Variants in NEK11 observed in about 807,000 individuals in gnomAD.
NEK11 encodes the protein serine/threonine-protein kinase Nek11.
NEK11 carries 72 observed loss-of-function variants against 80.7 expected under a neutral mutation model. The ratio of observed to expected loss-of-function variants is 0.89; its 90% CI spans 0.74 to 1.08. The LOEUF (loss-of-function observed/expected upper bound fraction) is 1.08. Among genes scored for constraint, NEK11 ranks in the 50% least tolerant of loss-of-function variants. NEK11 has a pLI of 0.00. For missense variants in NEK11, 764 were observed against 763.6 expected (o/e 1.00, Z -0.01); for synonymous variants, 251 against 260.7 (o/e 0.96, Z 0.36).
At chr3:131,076,238 G>A (rs1476845731) in intron 3 of NEK11, among the ~76,000 whole-genome samples, 1 of 152,192 alleles carries the variant, frequency 6.6e-6, no homozygotes, top group Non-Finnish European at 1.5e-5. Flanking sequence ...ACAAGTGTCT[G>A]CTACAATAAT....
In NEK11 at chr3:131,170,786, C is replaced by T. The variant is rs1307585591; in HGVS notation, c.1298C>T (p.Pro433Leu). Residue 433 changes from proline to leucine, a missense_variant, in exon 14 of 18, where the codon CCA becomes CTA. Coordinates refer to ENST00000383366, the MANE Select transcript of NEK11 (RefSeq NM_024800.5). ...WQGREEESDE[P>L]TLENLPESQP... Reference sequence around the variant, plus strand: ...ACCTTCCACAAGGAATCTGATGAACCAACTTTAGAGAACCTGCCTGAGTCT... The same window carrying T: ...ACCTTCCACAAGGAATCTGATGAACTAACTTTAGAGAACCTGCCTGAGTCT... The T allele has an allele frequency of 1.2e-6, 2 of 1,613,122 alleles. No homozygotes were observed. The highest frequency in any genetic ancestry group is 1.3e-5 in the African/African-American group (1 of 75,016).
intron 16 of NEK11, among the ~76,000 whole-genome samples, chr3:131,252,466 C>T (rs1280055053): frequency 3.9e-5 from 6 of 152,100 alleles, no homozygotes; most frequent in African/African-American, 9.7e-5. Context: ...TGACCCCATT[C>T]CTGACCCCAA....
chr3:131,169,848 C>T (rs113478393), intron 13 of NEK11, among the ~76,000 whole-genome samples: 1 of 152,206 alleles, frequency 6.6e-6, no homozygotes, highest in South Asian at 2.1e-4. Flanking sequence ...CTGAAGTGCA[C>T]GTAAAGACGT....
chr3:131,264,197 T>C (rs1468295835), intron 16 of NEK11, among the ~76,000 whole-genome samples: 1 of 152,238 alleles, frequency 6.6e-6, no homozygotes, highest in Non-Finnish European at 1.5e-5. Context: ...TCTTTTGCTG[T>C]GCAGAAGCTC....
intron 3 of NEK11, among the ~76,000 whole-genome samples, chr3:131,068,311 A>G (rs779379192): frequency 3.9e-4 from 60 of 151,946 alleles, no homozygotes; most frequent in Non-Finnish European, 7.4e-4. Flanking sequence ...CTCAGGCCCC[A>G]CTCTAGAGCT....
chr3:131,162,577 C>T (rs1255898679), intron 11 of NEK11, 50 bp downstream of exon 11: 1 of 1,598,858 alleles, frequency 6.3e-7, no homozygotes, highest in Non-Finnish European at 8.5e-7. Context: ...CTTCTCAGGG[C>T]TCTCAGGGAA....
chr3:131,289,820 T>C (rs767279383), intron 17 of NEK11, among the ~76,000 whole-genome samples: 3 of 152,136 alleles, frequency 2.0e-5, no homozygotes, highest in Non-Finnish European at 4.4e-5. Context: ...CACCCAGAGG[T>C]TCTTGATAAG....
intron 5 of NEK11, among the ~76,000 whole-genome samples, chr3:131,112,929 T>C (rs572919344): frequency 6.6e-6 from 1 of 152,198 alleles, no homozygotes; most frequent in East Asian, 1.9e-4. Flanking sequence ...GCTTTTTGAG[T>C]GGAGTTATAT....
intron 17 of NEK11, among the ~76,000 whole-genome samples, chr3:131,281,964 A>G (rs750785052): frequency 1.3e-5 from 2 of 152,216 alleles, no homozygotes; most frequent in Admixed American, 1.3e-4. Context: ...AAATGTCCCC[A>G]CATCTAAATT....
At chr3:131,273,409 C>A (rs2096235788) in intron 16 of NEK11, 69 bp from the exon 17 acceptor site, 5 of 1,175,494 alleles carry the variant, frequency 4.3e-6, no homozygotes, top group Non-Finnish European at 6.3e-6. Flanking sequence ...TTTCTGATTG[C>A]CCTTGAACAT....
intron 17 of NEK11, among the ~76,000 whole-genome samples, chr3:131,308,164 G>C (rs754149577): frequency 1.3e-5 from 2 of 152,170 alleles, no homozygotes; most frequent in Admixed American, 6.5e-5. Flanking sequence ...TAATCAAGGA[G>C]TGTTAAAGCA....
intron 17 of NEK11, among the ~76,000 whole-genome samples, chr3:131,286,909 A>C (rs2096478961): frequency 6.6e-6 from 1 of 152,210 alleles, no homozygotes; most frequent in South Asian, 2.1e-4. Flanking sequence ...TTGGGGTGTG[A>C]GGGGCACATG....
At chr3:131,241,287 A>G (rs1004121568) in intron 15 of NEK11, among the ~76,000 whole-genome samples, 1 of 152,178 alleles carries the variant, frequency 6.6e-6, no homozygotes, top group Non-Finnish European at 1.5e-5. Context: ...AACAATAAAC[A>G]TGAAACAAAG....
At chr3:131,152,274 A>T in intron 7 of NEK11, 114 bp from the exon 8 acceptor site, 2 of 804,898 alleles carry the variant, frequency 2.5e-6, no homozygotes, top group South Asian at 4.8e-5. Context: ...TCAACTACTG[A>T]TTGTATGTTT....
intron 17 of NEK11, among the ~76,000 whole-genome samples, chr3:131,340,747 T>C (rs1222108959): frequency 1.3e-5 from 2 of 151,988 alleles, no homozygotes; most frequent in Non-Finnish European, 2.9e-5. Context: ...GTCCTGAGAG[T>C]CCTGAAACCT....
intron 14 of NEK11, among the ~76,000 whole-genome samples, chr3:131,223,970 C>T (rs1445430102): frequency 1.3e-5 from 2 of 152,270 alleles, no homozygotes; most frequent in South Asian, 2.1e-4. Context: ...TTGTCTAATA[C>T]AGTCATACAC....
At chr3:131,069,189 A>G (rs2072691303) in intron 3 of NEK11, among the ~76,000 whole-genome samples, 1 of 152,110 alleles carries the variant, frequency 6.6e-6, no homozygotes, top group Non-Finnish European at 1.5e-5. Flanking sequence ...CTAGATTATA[A>G]TTTAATTTTA....
chr3:131,324,989 A>G (rs191152854), intron 17 of NEK11: 10 of 152,368 alleles, frequency 6.6e-5, no homozygotes, highest in African/African-American at 2.2e-4. Context: ...AGGATTGAAT[A>G]TGAGCAATGG....
At chr3:131,118,582 G>C (rs188281214) in intron 5 of NEK11, among the ~76,000 whole-genome samples, 8 of 152,180 alleles carry the variant, frequency 5.3e-5, no homozygotes. Context: ...GTAGAATTCG[G>C]CTGTGAATCC....
Sources: allele counts gnomAD v4.1 joint callset (sites outside exome capture counted in the v4.1 genomes callset), GRCh38; gene constraint gnomAD v4.1.1; transcripts MANE v1.5; gene names NCBI Gene and HGNC (gene_info 2026-07-23, HGNC 2026-07-21).